Variants in DNAJC13 observed in about 807,000 individuals in gnomAD.
DNAJC13 encodes the protein dnaJ homolog subfamily C member 13.
A neutral mutation model predicts 290.5 loss-of-function variants in DNAJC13; 75 were observed. That is an observed-to-expected ratio of 0.26 (90% CI 0.21 to 0.31). The LOEUF is 0.31. Among genes scored for constraint, DNAJC13 ranks in the 10% least tolerant of loss-of-function variants. DNAJC13 has a pLI of 1.00. For missense variants in DNAJC13, 2,260 were observed against 2,674.5 expected, an observed-to-expected ratio of 0.85 and a Z score of 3.42; for synonymous variants, 862 against 892.0, an observed-to-expected ratio of 0.97 and a Z score of 0.60.
chr3:132,436,446 C>T (rs1939387515), intron 2 of DNAJC13, among the ~76,000 whole-genome samples: 1 of 152,198 alleles, frequency 6.6e-6, no homozygotes, highest in South Asian at 2.1e-4. Context: ...TTTATCCATT[C>T]ATCAACTGAC....
chr3:132,471,160 T>G (rs1445986656), intron 20 of DNAJC13, among the ~76,000 whole-genome samples: 2 of 107,324 alleles, frequency 1.9e-5, no homozygotes, highest in African/African-American at 7.3e-5. Context: ...CTGGCCCGGC[T>G]GAGGGGCTCC....
At chr3:132,442,600 C>T (rs909202425) in intron 2 of DNAJC13, among the ~76,000 whole-genome samples, 1 of 152,084 alleles carries the variant, frequency 6.6e-6, no homozygotes, top group African/African-American at 2.4e-5. Context: ...AAATGCCCCA[C>T]AGATAAAGCA....
intron 51 of DNAJC13, among the ~76,000 whole-genome samples, chr3:132,524,373 G>C (rs754351410): frequency 1.3e-5 from 2 of 152,204 alleles, no homozygotes; most frequent in Non-Finnish European, 2.9e-5. Flanking sequence ...GTGATTAAGA[G>C]CCTGAGTGGT....
chr3:132,417,506 C>A lies in DNAJC13; in HGVS notation c.-268C>A, dbSNP rs1159616809. The A allele has an allele frequency of 6.6e-6, 1 of 152,206 alleles. No individual in the cohort carries two copies. Among genetic ancestry groups the A allele is most frequent in the Non-Finnish European group, 1.5e-5 (1 of 68,052 alleles). 9.4% of individuals were successfully genotyped at this position (152,206 alleles called of 1,614,324 possible). On this transcript the variant is annotated 5_prime_UTR_variant, in exon 1 of 56. Transcript: ENST00000260818. ...CGGTGGCGACGCAGGCGTATTAGAG[C>A]GCGCTCGCTCAAAGCCTGAGCGAAG... is the stretch of plus-strand genomic sequence containing the variant.
At chr3:132,463,567 A>T in intron 16 of DNAJC13, 129 bp from the exon 17 acceptor site, 1 of 1,003,108 alleles carries the variant, frequency 1.0e-6, no homozygotes, top group Non-Finnish European at 1.4e-6. Context: ...TGATTAGAAG[A>T]TGCATTTTAA....
chr3:132,504,757 C>T (rs942018036), intron 41 of DNAJC13, among the ~76,000 whole-genome samples: 29 of 152,278 alleles, frequency 1.9e-4, no homozygotes, highest in African/African-American at 6.5e-4. Flanking sequence ...AATAGGAAAG[C>T]ACACCAGATG....
In DNAJC13 at chr3:132,523,163, T is replaced by C; in HGVS notation, c.5850T>C (p.Phe1950=). 1.9e-6 allele frequency: 3 copies of C among 1,613,952 alleles called. No homozygotes were observed. The highest frequency in any genetic ancestry group is 3.3e-5 in the Admixed American group (2 of 60,012). Residue 1950 remains phenylalanine (F), a synonymous_variant, in exon 50 of 56, where the codon TTT becomes TTC. Transcript: ENST00000260818. ...ATCCCTTTTTTTCCCCAAGGCACTT[T>C]AAAAATCAGCAGGACAACCCTGAGG... ...TTVREMMLEH[F]KNQQDNPEAN... is the part of the protein sequence containing the mutation.
chr3:132,471,838 C>T (rs1485523862), intron 20 of DNAJC13, among the ~76,000 whole-genome samples: 4 of 147,642 alleles, frequency 2.7e-5, no homozygotes, highest in African/African-American at 4.9e-5. Context: ...ACTTCCCAGA[C>T]GGGGTGGCGG....
At chr3:132,519,762 T>G (rs1287822471) in intron 48 of DNAJC13, among the ~76,000 whole-genome samples, 2 of 152,210 alleles carry the variant, frequency 1.3e-5, no homozygotes, top group Non-Finnish European at 2.9e-5. Context: ...GAGTTAATTT[T>G]TATCCATGGT....
chr3:132,498,663 A>G (rs866868533), intron 36 of DNAJC13, among the ~76,000 whole-genome samples: 4 of 152,102 alleles, frequency 2.6e-5, no homozygotes, highest in Admixed American at 2.0e-4. Context: ...ATTAGGAGGC[A>G]TTTAAGATGT....
intron 1 of DNAJC13, among the ~76,000 whole-genome samples, chr3:132,427,180 C>T (rs1053506372): frequency 3.6e-4 from 53 of 147,178 alleles, no homozygotes; most frequent in Non-Finnish European, 7.0e-4. Flanking sequence ...CTCCCAGGCT[C>T]GAGTGCAGTG....
chr3:132,536,541 G>A (rs1936598245), intron 55 of DNAJC13, among the ~76,000 whole-genome samples: 1 of 152,150 alleles, frequency 6.6e-6, no homozygotes, highest in Non-Finnish European at 1.5e-5. Flanking sequence ...TATTTTGATG[G>A]GAACCAAGTT....
intron 37 of DNAJC13, 38 bp from the exon 38 acceptor site, chr3:132,499,696 C>A: frequency 6.3e-7 from 1 of 1,595,876 alleles, no homozygotes; most frequent in Non-Finnish European, 8.6e-7. Flanking sequence ...GACTTGAAGT[C>A]AAAATGGAGA....
chr3:132,443,574 G>C (rs1933143536), intron 2 of DNAJC13, among the ~76,000 whole-genome samples: 1 of 152,098 alleles, frequency 6.6e-6, no homozygotes, highest in Non-Finnish European at 1.5e-5. Context: ...TGAAAGTTTA[G>C]CTTTGTTATC....
intron 55 of DNAJC13, among the ~76,000 whole-genome samples, chr3:132,532,655 C>A (rs566733190): frequency 6.6e-6 from 1 of 151,916 alleles, no homozygotes; most frequent in Non-Finnish European, 1.5e-5. Context: ...TCCAAAAGTT[C>A]ACATACCACG....
At chr3:132,472,814 A>G (rs1285382709) in intron 20 of DNAJC13, among the ~76,000 whole-genome samples, 2 of 152,242 alleles carry the variant, frequency 1.3e-5, no homozygotes, top group Admixed American at 1.3e-4. Context: ...AACTGCATGT[A>G]AATGTTTGAA....
At position 132,478,193 on chromosome 3, in the gene DNAJC13, G is replaced by A. The variant is rs149631425; in HGVS notation, c.2709+53G>A. 2.1e-4 allele frequency: 300 copies of A among 1,457,174 alleles called. No individual in the cohort carries two copies. The African/African-American group carries it at 3.8e-3, about 18-fold the overall frequency. The allele number at this position is 1,457,174 out of a possible 1,614,324, so 90.3% of individuals were successfully genotyped here. A position where few individuals can be genotyped will look rare whatever the true frequency, so the allele number is the denominator to read the frequency against. ...ATTTGATAGTGTCACTAGGGTATGT[G>A]TTAAATTTTAAAAACTAAATTTAAA... On this transcript the variant is annotated intron_variant, in intron 24 of 55. Transcript: ENST00000260818.
In DNAJC13 at chr3:132,457,335, T is replaced by C. The variant is rs766312980; in HGVS notation, c.1416T>C (p.His472=). The C allele has an allele frequency of 9.7e-5, 157 of 1,613,556 alleles. No individual in the cohort carries two copies. Among genetic ancestry groups the C allele is most frequent in the South Asian group, 1.5e-4 (14 of 91,064 alleles). Residue 472 remains histidine, a synonymous_variant, in exon 13 of 56, where the codon CAT becomes CAC. Coordinates refer to ENST00000260818, the MANE Select transcript of DNAJC13 (RefSeq NM_015268.4). ...ALKRSNNGII[H]AAVDMLCALM... ...AAAGAAGCAACAACGGAATAATCCA[T>C]GCAGCAGTTGATATGCTTTGTGCCC...
intron 1 of DNAJC13, among the ~76,000 whole-genome samples, chr3:132,422,767 C>G (rs867134554): frequency 6.6e-6 from 1 of 152,172 alleles, no homozygotes; most frequent in Admixed American, 6.5e-5. Flanking sequence ...TAATTCTTTT[C>G]AGATGCTCTT....
Sources: allele counts gnomAD v4.1 joint callset (sites outside exome capture counted in the v4.1 genomes callset), GRCh38; gene constraint gnomAD v4.1.1; transcripts MANE v1.5; gene names NCBI Gene and HGNC (gene_info 2026-07-23, HGNC 2026-07-21).